The following AOAH variants were observed in gnomAD, a reference collection of about 807,000 sequenced individuals.
AOAH encodes the protein acyloxyacyl hydrolase (neutrophil).
A neutral mutation model predicts 92.2 loss-of-function variants in AOAH; 64 were observed. That is an observed-to-expected ratio of 0.69 (90% CI 0.57 to 0.86). The LOEUF is 0.86. Ranked by LOEUF, AOAH falls within the 40% of genes least tolerant of loss-of-function variation. The pLI, the probability that AOAH is intolerant of heterozygous loss-of-function variation, is 0.00. For synonymous variants in AOAH, 263 were observed against 254.5 expected, an observed-to-expected ratio of 1.03 and a Z score of -0.32; for missense variants, 656 against 694.6, an observed-to-expected ratio of 0.94 and a Z score of 0.62.
intron 2 of AOAH, among the ~76,000 whole-genome samples, chr7:36,682,003 C>T (rs975577270): frequency 3.9e-5 from 6 of 152,196 alleles, no homozygotes; most frequent in Non-Finnish European, 8.8e-5. Context: ...ACAGATAAAA[C>T]TGAGAACAGG....
intron 1 of AOAH, among the ~76,000 whole-genome samples, chr7:36,691,428 G>A (rs552680635): frequency 1.9e-4 from 29 of 152,284 alleles, no homozygotes; most frequent in Non-Finnish European, 3.5e-4. Context: ...ACACAACGCC[G>A]GTGTGAATCT....
chr7:36,535,012 G>A (rs151253441), intron 16 of AOAH, among the ~76,000 whole-genome samples: 1 of 69,716 alleles, frequency 1.4e-5, no homozygotes, highest in Non-Finnish European at 2.9e-5. Context: ...GTGTATCTGT[G>A]TGTGTCTGTG....
At chr7:36,719,104 C>T (rs995689051) in intron 1 of AOAH, among the ~76,000 whole-genome samples, 7 of 152,050 alleles carry the variant, frequency 4.6e-5, no homozygotes, top group South Asian at 4.1e-4. Context: ...TTTATTTTTT[C>T]GCCTACCAAA....
At chr7:36,684,860 G>C (rs116958861) in intron 2 of AOAH, among the ~76,000 whole-genome samples, 2 of 131,190 alleles carry the variant, frequency 1.5e-5, no homozygotes, top group Non-Finnish European at 3.1e-5. Context: ...GGAGGTCAAG[G>C]CTGCAGTGAG....
At chr7:36,527,949 T>C (rs1784488665) in intron 19 of AOAH, among the ~76,000 whole-genome samples, 1 of 152,226 alleles carries the variant, frequency 6.6e-6, no homozygotes, top group South Asian at 2.1e-4. Context: ...TTGCAGTACC[T>C]GACTCTGAGC....
intron 20 of AOAH, chr7:36,514,456 C>T (rs1056253296): frequency 6.6e-7 from 1 of 1,522,358 alleles, no homozygotes; most frequent in Admixed American, 2.0e-5. Flanking sequence ...TCTGGCTTTC[C>T]CAGCCTGAGG....
intron 2 of AOAH, among the ~76,000 whole-genome samples, chr7:36,685,472 A>G (rs1796941096): frequency 6.6e-6 from 1 of 152,234 alleles, no homozygotes; most frequent in Non-Finnish European, 1.5e-5. Context: ...TTCATCTTTC[A>G]GTAACGGATG....
At chr7:36,659,407 G>A (rs372635534) in intron 3 of AOAH, 142 bp from the exon 4 acceptor site, 19 of 657,952 alleles carry the variant, frequency 2.9e-5, no homozygotes, top group Admixed American at 7.2e-5. Flanking sequence ...CCCCAATCCC[G>A]GGGAGCTGCT....
At chr7:36,591,620 G>A (rs2116779850) in intron 12 of AOAH, among the ~76,000 whole-genome samples, 1 of 152,306 alleles carries the variant, frequency 6.6e-6, no homozygotes, top group Non-Finnish European at 1.5e-5. Flanking sequence ...CACTGATCAG[G>A]ATGATGGGTA....
rs976618449 is a variant in AOAH at position 36,703,880 on chromosome 7, G to A, written c.128-17086C>T. Among the ~76,000 whole-genome samples, 31 of 152,208 alleles carry A rather than the reference G, an allele frequency of 2.0e-4. No individual in the cohort carries two copies. In the East Asian group the frequency reaches 2.1e-3, roughly 10 times the overall value. The stretch of plus-strand genomic sequence containing the variant: ...TATAGTTTTAGATCCTTGAGGAATC[G>A]CCACACTGTCTCCCACAATGGTTGT... On this transcript the variant is annotated intron_variant, in intron 1 of 20. Transcript: ENST00000617537.
chr7:36,572,270 A>C (rs1411415672), intron 13 of AOAH, among the ~76,000 whole-genome samples: 2 of 152,186 alleles, frequency 1.3e-5, no homozygotes, highest in Non-Finnish European at 2.9e-5. Flanking sequence ...AGGCTGAGTC[A>C]AGAGGATTGC....
intron 1 of AOAH, among the ~76,000 whole-genome samples, chr7:36,717,731 T>TTTA (rs1169133933): frequency 4.0e-5 from 6 of 149,298 alleles, no homozygotes; most frequent in Non-Finnish European, 8.9e-5. Flanking sequence ...CTTCTTATTT[T>TTTA]TTTTTTTTTT....
chr7:36,724,244 C>G lies in AOAH; in HGVS notation c.-96G>C. 6.9e-7 allele frequency: 1 copy of G among 1,441,650 alleles called. No individual in the cohort carries two copies. 89.3% of individuals were successfully genotyped at this position (1,441,650 alleles called of 1,614,324 possible). A position where few individuals can be genotyped will look rare whatever the true frequency, so the allele number is the denominator to read the frequency against. On this transcript the variant is annotated 5_prime_UTR_variant, in exon 1 of 21. Transcript: ENST00000617537. ...CTGCAGAATCAATTGATCTCTCTCT[C>G]CTTCTCTTCCTCACTCTCTTTGACA...
chr7:36,654,791 G>C lies in AOAH; in HGVS notation c.390+4375C>G, dbSNP rs533454703. Among the ~76,000 whole-genome samples, 56 of 152,320 alleles carry C rather than the reference G, an allele frequency of 3.7e-4. No individual in the cohort carries two copies. In the South Asian group the frequency reaches 8.1e-3, roughly 22 times the overall value. ...CATTCAATGTGACAACACCTACGGA[G>C]TCTCAGTGAGGCAGAGAGCACGGTG... is the stretch of plus-strand genomic sequence containing the variant. On this transcript the variant is annotated intron_variant, in intron 4 of 20. Transcript: ENST00000617537.
intron 13 of AOAH, among the ~76,000 whole-genome samples, chr7:36,574,746 A>T (rs1788365650): frequency 6.6e-6 from 1 of 152,224 alleles, no homozygotes; most frequent in African/African-American, 2.4e-5. Context: ...GTATACAAAT[A>T]AAATCATCAG....
chr7:36,723,943 T>C, intron 1 of AOAH, 79 bp downstream of exon 1: 5 of 1,450,208 alleles, frequency 3.4e-6, no homozygotes, highest in Non-Finnish European at 4.7e-6. Context: ...TAATAAAATA[T>C]GTGATTTATT....
At chr7:36,659,299 A>G (rs758294634) in intron 3 of AOAH, 34 bp from the exon 4 acceptor site, 42 of 1,528,186 alleles carry the variant, frequency 2.7e-5, no homozygotes, top group Non-Finnish European at 3.7e-5. Context: ...AAGGCTATTC[A>G]GATCTCTTAG....
chr7:36,521,095 C>G (rs151203175), intron 20 of AOAH, among the ~76,000 whole-genome samples: 15 of 152,148 alleles, frequency 9.9e-5, no homozygotes, highest in African/African-American at 3.4e-4. Flanking sequence ...TACCGTCATT[C>G]AGGCTCTTGA....
At position 36,540,494 on chromosome 7, in the gene AOAH, G is replaced by A. The variant is rs1222257061; in HGVS notation, c.1134-3C>T. 6.2e-7 allele frequency: 1 copy of A among 1,601,898 alleles called. No homozygotes were observed. The highest frequency in any genetic ancestry group is 1.3e-5 in the African/African-American group (1 of 74,378). ...TGGCTGGGACTGGGTCACTCTTCCT[G>A]TTGGTGGAATAAACAGAAAATATCT... is the stretch of plus-strand genomic sequence containing the variant. On this transcript the variant is annotated splice_region_variant and splice_polypyrimidine_tract_variant and intron_variant, in intron 15 of 20. Coordinates refer to ENST00000617537, the MANE Select transcript of AOAH (RefSeq NM_001637.4).
Sources: allele counts gnomAD v4.1 joint callset (sites outside exome capture counted in the v4.1 genomes callset), GRCh38; gene constraint gnomAD v4.1.1; transcripts MANE v1.5; gene names NCBI Gene and HGNC (gene_info 2026-07-23, HGNC 2026-07-21).